Variants in HDAC9 observed in about 807,000 individuals in gnomAD.
HDAC9 encodes the protein MEF-2 interacting transcription repressor (MITR) protein.
A neutral mutation model predicts 139.4 loss-of-function variants in HDAC9; 41 were observed. The observed-to-expected ratio is 0.29, with a 90% CI of 0.23 to 0.38. The LOEUF is 0.38. HDAC9 is among the 10% of genes least tolerant of loss of function. The pLI is 1.00. For synonymous variants in HDAC9, 517 were observed against 476.2 expected (o/e 1.09, Z -1.12); for missense variants, 1,147 against 1,297.0 (o/e 0.88, Z 1.78).
intron 22 of HDAC9, among the ~76,000 whole-genome samples, chr7:18,905,136 C>T (rs1300295335): frequency 1.3e-5 from 2 of 152,064 alleles, no homozygotes; most frequent in African/African-American, 4.8e-5. Context: ...AGTGATCCAC[C>T]CGCCTTGGCC....
chr7:18,412,009 G>T (rs1472065629), intron 1 of HDAC9, among the ~76,000 whole-genome samples: 3 of 151,348 alleles, frequency 2.0e-5, no homozygotes, highest in African/African-American at 7.3e-5. Context: ...TATTTTTTTG[G>T]TAGAGAAGGG....
intron 1 of HDAC9, among the ~76,000 whole-genome samples, chr7:18,485,166 C>A (rs932457401): frequency 6.6e-6 from 1 of 152,124 alleles, no homozygotes; most frequent in Admixed American, 6.6e-5. Context: ...AATTAAATGA[C>A]AAACACAGGC....
rs377521040 is a variant in HDAC9 at position 18,106,593 on chromosome 7, C to T, written c.-97+19380C>T. Among the ~76,000 whole-genome samples, 86 of 152,258 alleles carry T rather than the reference C, an allele frequency of 5.6e-4. 2 individuals are homozygous for T. In the East Asian group the frequency reaches 0.014, roughly 24 times the overall value. ...TCAGCCTCCTGAGTAGCTGAGATTA[C>T]AGGCACACTCTACGACACCTGGCTA... On this transcript the variant is annotated intron_variant, in intron 1 of 12. Transcript: ENST00000417496.
At chr7:18,387,266 G>A (rs1585542312) in intron 1 of HDAC9, among the ~76,000 whole-genome samples, 1 of 152,240 alleles carries the variant, frequency 6.6e-6, no homozygotes, top group East Asian at 1.9e-4. Context: ...TTCTATTTAT[G>A]TGTAGATTTT....
intron 1 of HDAC9, among the ~76,000 whole-genome samples, chr7:18,481,530 T>C (rs1056310623): frequency 1.3e-5 from 2 of 152,210 alleles, no homozygotes; most frequent in Admixed American, 6.5e-5. Context: ...AGGGTTATAC[T>C]TGGTTCTGTT....
At chr7:18,599,812 T>C (rs867430611) in intron 6 of HDAC9, among the ~76,000 whole-genome samples, 3 of 152,102 alleles carry the variant, frequency 2.0e-5, no homozygotes, top group Non-Finnish European at 4.4e-5. Flanking sequence ...TAGGAGTACA[T>C]TAACTGGATC....
chr7:18,810,002 T>C (rs1794049414), intron 17 of HDAC9, among the ~76,000 whole-genome samples: 1 of 151,896 alleles, frequency 6.6e-6, no homozygotes. Flanking sequence ...ACAAATAAAA[T>C]ATAGCATATA....
chr7:18,657,856 G>A (rs751745646), intron 11 of HDAC9, among the ~76,000 whole-genome samples: 3 of 151,914 alleles, frequency 2.0e-5, no homozygotes, highest in Non-Finnish European at 1.5e-5. Context: ...CTTTTACATG[G>A]CCTACAAGGC....
chr7:18,602,519 A>AT (rs902241358), intron 6 of HDAC9, among the ~76,000 whole-genome samples: 17 of 145,568 alleles, frequency 1.2e-4, no homozygotes, highest in Middle Eastern at 3.6e-3. Context: ...TTTTTCCTCT[A>AT]TTTTTTTTAA....
In HDAC9 at chr7:18,236,024, G is replaced by A. The variant is rs541963644; in HGVS notation, c.25+73675G>A. ...ATGAATCATCGTCAAGTTGAGACAG[G>A]TAGGGTACTCCTTCCACCCTCACTG... is the stretch of plus-strand genomic sequence containing the variant. On this transcript the variant is annotated intron_variant, in intron 2 of 12. Coordinates refer to the HDAC9 transcript ENST00000417496. Among the ~76,000 whole-genome samples the A allele has an allele frequency of 3.9e-5, 6 of 152,284 alleles. No homozygotes were observed. In the South Asian group the frequency reaches 1.2e-3, roughly 32 times the overall value.
chr7:18,297,236 T>C (rs754280778), intron 1 of HDAC9, among the ~76,000 whole-genome samples: 7 of 152,214 alleles, frequency 4.6e-5, no homozygotes, highest in Non-Finnish European at 7.3e-5. Flanking sequence ...CTTATTTTTA[T>C]TTAAAAACTT....
At chr7:18,543,886 G>GAA (rs111903866) in intron 2 of HDAC9, among the ~76,000 whole-genome samples, 5 of 118,906 alleles carry the variant, frequency 4.2e-5, no homozygotes, top group Non-Finnish European at 5.5e-5. Flanking sequence ...TGTATTTTAG[G>GAA]AAAAAAAAAA....
At chr7:18,405,808 C>T (rs976640534) in intron 1 of HDAC9, among the ~76,000 whole-genome samples, 7 of 151,974 alleles carry the variant, frequency 4.6e-5, no homozygotes, top group Non-Finnish European at 4.4e-5. Flanking sequence ...ACTAAAATAC[C>T]GCTTTAGCAC....
chr7:18,239,476 A>G (rs1225867872), intron 2 of HDAC9, among the ~76,000 whole-genome samples: 2 of 152,186 alleles, frequency 1.3e-5, no homozygotes, highest in Admixed American at 6.5e-5. Context: ...TGATGTACAT[A>G]AAAGCTGACC....
At chr7:18,523,673 T>A (rs1805815746) in intron 2 of HDAC9, among the ~76,000 whole-genome samples, 1 of 152,158 alleles carries the variant, frequency 6.6e-6, no homozygotes, top group African/African-American at 2.4e-5. Flanking sequence ...TGTACATAAT[T>A]ATGTAATTGG....
intron 1 of HDAC9, among the ~76,000 whole-genome samples, chr7:18,479,627 A>G (rs1319833867): frequency 1.3e-5 from 2 of 152,160 alleles, no homozygotes; most frequent in South Asian, 2.1e-4. Flanking sequence ...TTGCTATTTC[A>G]TGTAAATATA....
At chr7:18,125,926 G>C (rs566128914) in intron 1 of HDAC9, among the ~76,000 whole-genome samples, 39 of 152,234 alleles carry the variant, frequency 2.6e-4, no homozygotes, top group Non-Finnish European at 4.6e-4. Flanking sequence ...AGGCCTACAG[G>C]CTGTAGTTTG....
intron 22 of HDAC9, among the ~76,000 whole-genome samples, chr7:18,887,874 A>G (rs1202348034): frequency 6.6e-6 from 1 of 152,152 alleles, no homozygotes; most frequent in Non-Finnish European, 1.5e-5. Context: ...TGTCCCATGC[A>G]ACGCCAAGAT....
At chr7:18,242,862 G>GA (rs1206165091) in intron 2 of HDAC9, among the ~76,000 whole-genome samples, 4 of 151,874 alleles carry the variant, frequency 2.6e-5, no homozygotes, top group Non-Finnish European at 5.9e-5. Context: ...GGTCTTACTA[G>GA]AAAAAAAATA....
Sources: allele counts gnomAD v4.1 joint callset (sites outside exome capture counted in the v4.1 genomes callset), GRCh38; gene constraint gnomAD v4.1.1; transcripts MANE v1.5; gene names NCBI Gene and HGNC (gene_info 2026-07-23, HGNC 2026-07-21).